Variants in CCDC73 observed in about 807,000 individuals in gnomAD.
CCDC73 encodes coiled-coil domain-containing protein 73.
Under a neutral mutation model 116.5 loss-of-function variants are expected in CCDC73, and 95 were observed. That is an observed-to-expected ratio of 0.82 (90% confidence interval 0.69 to 0.97). CCDC73 has a LOEUF of 0.97. Among genes scored for constraint, CCDC73 ranks in the 50% least tolerant of loss-of-function variants. CCDC73 has a pLI of 0.00. For missense variants in CCDC73, 1,066 were observed against 1,206.8 expected, an observed-to-expected ratio of 0.88 and a Z score of 1.73; for synonymous variants, 398 against 401.3, an observed-to-expected ratio of 0.99 and a Z score of 0.10.
intron 14 of CCDC73, among the ~76,000 whole-genome samples, chr11:32,621,461 G>A (rs968947220): frequency 4.6e-5 from 7 of 152,154 alleles, no homozygotes; most frequent in Admixed American, 1.3e-4. Flanking sequence ...GGGAAAACTG[G>A]CTGGCCATAT....
chr11:32,675,658 G>T lies in CCDC73; in HGVS notation c.566-14C>A. On this transcript the variant is annotated splice_polypyrimidine_tract_variant and intron_variant, in intron 8 of 17. Coordinates refer to ENST00000335185, the MANE Select transcript of CCDC73 (RefSeq NM_001008391.4). ...TTGCTTCCCGTACTGCAACATGAAA[G>T]ACATTTAAGAAAGCATTATATTCAA... is the stretch of plus-strand genomic sequence containing the variant. 1 of 1,560,596 alleles carries T rather than the reference G, an allele frequency of 6.4e-7. No homozygotes were observed. The highest frequency in any genetic ancestry group is 1.4e-5 in the African/African-American group (1 of 72,382).
chr11:32,823,748 A>AT, the CCDC73 span, among the ~76,000 whole-genome samples: 5 of 150,748 alleles, frequency 3.3e-5, no homozygotes, highest in East Asian at 1.9e-4. Context: ...TAAAAAAAAA[A>AT]TTTTTTTTTT....
intron 6 of CCDC73, among the ~76,000 whole-genome samples, chr11:32,698,407 A>G (rs1388119310): frequency 6.6e-6 from 1 of 152,168 alleles, no homozygotes; most frequent in African/African-American, 2.4e-5. Context: ...TTTTTATCAT[A>G]ATTAGATTTC....
chr11:32,641,200 A>G (rs1463691942), intron 13 of CCDC73, among the ~76,000 whole-genome samples: 2 of 152,216 alleles, frequency 1.3e-5, no homozygotes, highest in Admixed American at 6.5e-5. Context: ...AGTCTAAAAC[A>G]TAATCATACC....
Position 32,635,706 on chromosome 11 carries a change from T to C in CCDC73, c.1175A>G (p.Lys392Arg), listed in dbSNP as rs780154974. ...LCNQKTFEEDKKFQNVPEVNN... is the reference protein window; with the variant it reads ...LCNQKTFEEDRKFQNVPEVNN... ...ATACTTAAATTTTACCTGAAACTTTTTGTCTTCCTCAAATGTTTTTTGATT... is the reference window on the plus strand; with the variant it reads ...ATACTTAAATTTTACCTGAAACTTTCTGTCTTCCTCAAATGTTTTTTGATT... The change falls in exon 14 of 18, where the codon AAA (lysine) becomes AGA (arginine). Residue 392 changes from lysine to arginine, a missense_variant. Transcript: ENST00000335185. 2.3e-6 allele frequency: 3 copies of C among 1,308,626 alleles called. No individual in the cohort carries two copies. Among genetic ancestry groups the C allele is most frequent in the Admixed American group, 6.4e-5 (2 of 31,216 alleles). The allele number at this position is 1,308,626 out of a possible 1,614,324, so 81.1% of individuals were successfully genotyped here. A position where few individuals can be genotyped will look rare whatever the true frequency, so the allele number is the denominator to read the frequency against.
chr11:32,809,314 T>C, the CCDC73 span, among the ~76,000 whole-genome samples: 1 of 152,058 alleles, frequency 6.6e-6, no homozygotes. Flanking sequence ...ATAAGAAGCA[T>C]GGAGGAGTAG....
chr11:32,645,299 T>C (rs1329604558), intron 12 of CCDC73, among the ~76,000 whole-genome samples: 1 of 149,778 alleles, frequency 6.7e-6, no homozygotes. Context: ...TTCTTTTTTT[T>C]TTTTTTTTTT....
At chr11:32,656,797 A>T (rs1467754855) in intron 9 of CCDC73, among the ~76,000 whole-genome samples, 6 of 152,326 alleles carry the variant, frequency 3.9e-5, no homozygotes, top group African/African-American at 1.4e-4. Context: ...TGCAATTAAG[A>T]ATCCTGACTA....
intron 12 of CCDC73, among the ~76,000 whole-genome samples, chr11:32,647,795 T>C (rs1855791461): frequency 6.7e-6 from 1 of 149,748 alleles, no homozygotes; most frequent in African/African-American, 2.5e-5. Flanking sequence ...GTCAATATCA[T>C]ACTCGTAGTA....
rs571377863 is a variant in CCDC73, at chr11:32,755,801, GTA to G, written c.135+4306_135+4307del. On this transcript the variant is annotated intron_variant, in intron 2 of 17. Transcript: ENST00000335185. ...TATATATATATATCTCCATATATGTGTATATATATATCTCCATATATATGTGT... is the reference window on the plus strand; with the variant it reads ...TATATATATATATCTCCATATATGTGTATATATATCTCCATATATATGTGT... 4.4e-4 allele frequency among the ~76,000 whole-genome samples: 54 copies of G among 122,076 alleles called. 2 individuals carry two copies. The highest frequency in any genetic ancestry group is 1.6e-3 in the African/African-American group (51 of 32,308). The allele number at this position is 122,076 out of a possible 152,430, so 80.1% of individuals were successfully genotyped here.
At chr11:32,659,528 T>A (rs1855903137) in intron 9 of CCDC73, among the ~76,000 whole-genome samples, 2 of 152,236 alleles carry the variant, frequency 1.3e-5, no homozygotes, top group Admixed American at 1.3e-4. Flanking sequence ...CAGAGGAATT[T>A]ATTTTAAGAG....
intron 7 of CCDC73, among the ~76,000 whole-genome samples, chr11:32,679,155 G>A (rs918579206): frequency 1.3e-5 from 2 of 152,002 alleles, no homozygotes; most frequent in African/African-American, 4.8e-5. Context: ...GTTGATAAAT[G>A]TACTTAGTCC....
At chr11:32,712,361 T>A (rs897700294) in intron 3 of CCDC73, among the ~76,000 whole-genome samples, 1 of 152,106 alleles carries the variant, frequency 6.6e-6, no homozygotes, top group Non-Finnish European at 1.5e-5. Flanking sequence ...GCACAGCATG[T>A]AGTAAGCATA....
At chr11:32,631,629 C>T (rs572808533) in intron 14 of CCDC73, among the ~76,000 whole-genome samples, 2 of 128,344 alleles carry the variant, frequency 1.6e-5, no homozygotes, top group Non-Finnish European at 3.3e-5. Flanking sequence ...AGGGAAGGGA[C>T]GGGAAAGGAA....
intron 7 of CCDC73, among the ~76,000 whole-genome samples, chr11:32,679,538 T>C (rs538551706): frequency 5.3e-5 from 8 of 152,176 alleles, no homozygotes; most frequent in Non-Finnish European, 1.0e-4. Context: ...TAATTTTTTG[T>C]ATTTTAATAG....
intron 12 of CCDC73, among the ~76,000 whole-genome samples, chr11:32,648,446 C>T (rs1461890558): frequency 1.3e-5 from 2 of 152,182 alleles, no homozygotes; most frequent in Non-Finnish European, 2.9e-5. Context: ...TCATGTTCAT[C>T]TTTCAGTCAT....
intron 7 of CCDC73, 100 bp from the exon 8 acceptor site, chr11:32,676,121 G>C: frequency 1.1e-6 from 1 of 898,374 alleles, no homozygotes; most frequent in Non-Finnish European, 1.6e-6. Context: ...ACTGTTGTTA[G>C]TAATATAACA....
chr11:32,809,261 A>T, the CCDC73 span, among the ~76,000 whole-genome samples: 1 of 152,234 alleles, frequency 6.6e-6, no homozygotes, highest in Non-Finnish European at 1.5e-5. Context: ...TGGCTAACAT[A>T]AGCAGAAGAG....
At chr11:32,786,739 A>C (rs1850632920) in intron 1 of CCDC73, among the ~76,000 whole-genome samples, 1 of 151,988 alleles carries the variant, frequency 6.6e-6, no homozygotes, top group African/African-American at 2.4e-5. Flanking sequence ...TACATCTTAA[A>C]TACTCTACAG....
Sources: allele counts gnomAD v4.1 joint callset (sites outside exome capture counted in the v4.1 genomes callset), GRCh38; gene constraint gnomAD v4.1.1; transcripts MANE v1.5; gene names NCBI Gene and HGNC (gene_info 2026-07-23, HGNC 2026-07-21).